Variants in ATG2B observed in about 807,000 individuals in gnomAD.
ATG2B encodes the protein autophagy related 2B, also known as autophagy-related protein 2 homolog B.
ATG2B carries 121 observed loss-of-function variants against 241.3 expected under a neutral mutation model. The ratio of observed to expected loss-of-function variants is 0.50; its 90% confidence interval spans 0.43 to 0.58. The LOEUF (loss-of-function observed/expected upper bound fraction) is 0.58. ATG2B is among the 20% of genes least tolerant of loss of function. The pLI is 0.00. For missense variants in ATG2B, 2,306 were observed against 2,491.6 expected, an observed-to-expected ratio of 0.93 and a Z score of 1.59; for synonymous variants, 858 against 876.6, an observed-to-expected ratio of 0.98 and a Z score of 0.37.
chr14:96,328,139 A>G (rs948255558), intron 14 of ATG2B, among the ~76,000 whole-genome samples: 3 of 152,166 alleles, frequency 2.0e-5, no homozygotes, highest in Admixed American at 6.5e-5. Flanking sequence ...AAATGACCAC[A>G]TAACATTTCA....
chr14:96,300,481 T>C (rs1886759907), intron 34 of ATG2B, among the ~76,000 whole-genome samples: 1 of 152,156 alleles, frequency 6.6e-6, no homozygotes, highest in Non-Finnish European at 1.5e-5. Flanking sequence ...AGCCATGATC[T>C]ACACTCCAGC....
At chr14:96,340,079 T>C (rs923018643) in intron 6 of ATG2B, among the ~76,000 whole-genome samples, 7 of 125,466 alleles carry the variant, frequency 5.6e-5, no homozygotes, top group African/African-American at 1.6e-4. Flanking sequence ...TGTGATATGA[T>C]ATATATGAAT....
chr14:96,321,098 A>G (rs543951496), intron 18 of ATG2B, among the ~76,000 whole-genome samples: 1 of 152,328 alleles, frequency 6.6e-6, no homozygotes, highest in South Asian at 2.1e-4. Context: ...AGACCACTGA[A>G]GTAATGTGAA....
At chr14:96,291,147 A>G (rs891858702) in intron 38 of ATG2B, among the ~76,000 whole-genome samples, 9 of 152,208 alleles carry the variant, frequency 5.9e-5, no homozygotes, top group Non-Finnish European at 1.0e-4. Context: ...ATACATATAC[A>G]TACATACACA....
intron 15 of ATG2B, chr14:96,324,311 T>A (rs1368826864): frequency 3.0e-5 from 7 of 230,042 alleles, no homozygotes; most frequent in African/African-American, 6.9e-5. Flanking sequence ...AAAGTCTATA[T>A]AATCTACCAC....
intron 28 of ATG2B, among the ~76,000 whole-genome samples, chr14:96,310,097 A>C (rs143438324): frequency 6.6e-6 from 1 of 152,170 alleles, no homozygotes; most frequent in Non-Finnish European, 1.5e-5. Flanking sequence ...ATACTTCACC[A>C]ATGGTTGGTG....
At chr14:96,299,999 A>C (rs1364648790) in intron 34 of ATG2B, among the ~76,000 whole-genome samples, 4 of 152,218 alleles carry the variant, frequency 2.6e-5, no homozygotes, top group African/African-American at 9.6e-5. Context: ...CGAACTGAAA[A>C]GAATTTTTGT....
In ATG2B at chr14:96,308,259, TATATATATATATATATATA is replaced by T. The variant is rs1566719813; in HGVS notation, c.4303+1175_4303+1193del. 1.9e-3 allele frequency among the ~76,000 whole-genome samples: 46 copies of T among 23,632 alleles called. 1 individual carries two copies. Among genetic ancestry groups the T allele is most frequent in the African/African-American group, 5.6e-3 (40 of 7,140 alleles). The allele number at this position is 23,632 out of a possible 152,430, so 15.5% of individuals were successfully genotyped here. On this transcript the variant is annotated intron_variant, in intron 29 of 41. Transcript: ENST00000359933. The stretch of plus-strand genomic sequence containing the variant: ...ATATATATATATATATATACACACA[TATATATATATATATATATA>T]TATATTTTTTTTTTTTTTTTTTTTG...
intron 2 of ATG2B, 127 bp from the exon 3 acceptor site, chr14:96,345,512 C>T: frequency 1.7e-6 from 1 of 604,302 alleles, no homozygotes; most frequent in Non-Finnish European, 2.6e-6. Context: ...CATGATGTTA[C>T]CCAGGTAAAC....
rs1299500731 is a variant in ATG2B at position 96,281,087 on chromosome 14, C to G, written c.*4668G>C. ...GAAGAACTGTTAAAACTCCATACAG[C>G]TCAGCAATCAGTAGCAGACAGACCC... On this transcript the variant is annotated 3_prime_UTR_variant, in exon 42 of 42. Coordinates refer to ENST00000359933, the MANE Select transcript of ATG2B (RefSeq NM_018036.7). The G allele has an allele frequency of 1.3e-5, 2 of 152,112 alleles. No individual in the cohort carries two copies. The highest frequency in any genetic ancestry group is 1.3e-4 in the Admixed American group (2 of 15,272). 9.4% of individuals were successfully genotyped at this position (152,112 alleles called of 1,614,324 possible). A position where few individuals can be genotyped will look rare whatever the true frequency, so the allele number is the denominator to read the frequency against.
chr14:96,292,181 G>A, intron 36 of ATG2B, 83 bp from the exon 37 acceptor site: 1 of 837,550 alleles, frequency 1.2e-6, no homozygotes, highest in Non-Finnish European at 1.9e-6. Context: ...TGTTCAATTG[G>A]AGAATAAAAA....
rs746271049 is a variant in ATG2B at position 96,317,731 on chromosome 14, T to C, written c.3004A>G (p.Ser1002Gly). 1.9e-6 allele frequency: 3 copies of C among 1,611,562 alleles called. No individual in the cohort carries two copies. Among genetic ancestry groups the C allele is most frequent in the South Asian group, 1.1e-5 (1 of 90,574 alleles). ...SQLINTFNKD[S>G]FSAFKSAVHY... ...ACTGCAGATTTAAATGCACTAAAAC[T>C]ATCTTTGTTGAAAGTATTAATGAGC... Residue 1002 changes from serine to glycine, a missense_variant, in exon 19 of 42, where the codon AGT (serine) becomes GGT (glycine). By Grantham distance (56) the Ser-to-Gly change is moderately conservative (BLOSUM62 0). Transcript: ENST00000359933.
intron 18 of ATG2B, among the ~76,000 whole-genome samples, chr14:96,320,701 C>A (rs1887436979): frequency 6.6e-6 from 1 of 152,160 alleles, no homozygotes; most frequent in Non-Finnish European, 1.5e-5. Context: ...CAAAAGCAAT[C>A]TGCTCAGTCA....
chr14:96,346,941 TAACA>T (rs1486069122), intron 2 of ATG2B, among the ~76,000 whole-genome samples: 1 of 152,166 alleles, frequency 6.6e-6, no homozygotes, highest in Non-Finnish European at 1.5e-5. Context: ...AGATAACTGA[TAACA>T]AATAATTAAA....
rs769077503 is a variant in ATG2B, at chr14:96,302,090, G to A, written c.5056C>T (p.His1686Tyr). Residue 1686 changes from histidine to tyrosine, a missense_variant, in exon 34 of 42, where the codon CAC becomes TAC. Coordinates refer to ENST00000359933, the MANE Select transcript of ATG2B (RefSeq NM_018036.7). ...HSNMLTVKAL[H>Y]VCPESGRSPQ... ...GACCTGCCAGATTCTGGACACACGT[G>A]TAAGGCTTTCACTGTCAACTACAAG... The A allele has an allele frequency of 5.6e-6, 9 of 1,613,318 alleles. No individual in the cohort carries two copies. Among genetic ancestry groups the A allele is most frequent in the Non-Finnish European group, 7.6e-6 (9 of 1,179,408 alleles).
At chr14:96,293,369 A>G (rs1307368759) in intron 36 of ATG2B, among the ~76,000 whole-genome samples, 2 of 151,970 alleles carry the variant, frequency 1.3e-5, no homozygotes, top group African/African-American at 4.8e-5. Context: ...TCCATGGCAC[A>G]TATTAATAGG....
In ATG2B at chr14:96,329,370, T is replaced by C. The variant is rs539853626; in HGVS notation, c.1881+114A>G. ...CACAAGTGCAAAAAGAAAATGACAA[T>C]ATTCCTCCTATGGCTTTCTATACAT... On this transcript the variant is annotated intron_variant, in intron 12 of 41. Coordinates refer to ENST00000359933, the MANE Select transcript of ATG2B (RefSeq NM_018036.7). 142 of 645,454 alleles carry C rather than the reference T, an allele frequency of 2.2e-4. No individual in the cohort carries two copies. The African/African-American group carries it at 2.5e-3, about 11-fold the overall frequency. 40.0% of individuals were successfully genotyped at this position (645,454 alleles called of 1,614,324 possible). A position where few individuals can be genotyped will look rare whatever the true frequency, so the allele number is the denominator to read the frequency against.
At chr14:96,316,039 T>C (rs1225427384) in intron 21 of ATG2B, among the ~76,000 whole-genome samples, 2 of 152,142 alleles carry the variant, frequency 1.3e-5, no homozygotes, top group African/African-American at 2.4e-5. Flanking sequence ...AGATACAACT[T>C]GGATGAACTT....
intron 23 of ATG2B, among the ~76,000 whole-genome samples, chr14:96,313,728 T>A (rs1240198931): frequency 4.6e-5 from 7 of 152,154 alleles, no homozygotes; most frequent in Non-Finnish European, 1.5e-5. Flanking sequence ...ATAAATTTTT[T>A]AAAAGTATTT....
Sources: gnomAD v4.1 joint callset for allele counts (sites outside exome capture counted in the v4.1 genomes callset) on GRCh38, gnomAD v4.1.1 for gene constraint, MANE v1.5 for transcripts, NCBI Gene and HGNC (gene_info 2026-07-23, HGNC 2026-07-21) for gene names.